Variants in SMIM14 observed in about 807,000 individuals in gnomAD.
SMIM14 encodes the protein small integral membrane protein 14.
SMIM14 carries 5 observed loss-of-function variants against 12.6 expected under a neutral mutation model. The observed-to-expected ratio is 0.40, with a 90% CI of 0.21 to 0.83. SMIM14 has a LOEUF of 0.83. Ranked by LOEUF, SMIM14 falls within the 40% of genes least tolerant of loss-of-function variation. The pLI is 0.37. For synonymous variants in SMIM14, 30 were observed against 40.1 expected (o/e 0.75, Z 0.95); for missense variants, 86 against 119.1 (o/e 0.72, Z 1.29).
At chr4:39,622,848 A>G (rs954376613) in intron 1 of SMIM14, among the ~76,000 whole-genome samples, 1 of 152,268 alleles carries the variant, frequency 6.6e-6, no homozygotes, top group African/African-American at 2.4e-5. Context: ...ATGGTTACAT[A>G]TTAACTTTTA....
chr4:39,617,051 CTA>C (rs1245705059), intron 1 of SMIM14, among the ~76,000 whole-genome samples: 1 of 151,998 alleles, frequency 6.6e-6, no homozygotes, highest in Non-Finnish European at 1.5e-5. Flanking sequence ...TCTTGTTTTC[CTA>C]TGTTTCTATA....
rs1276261623 is a variant in SMIM14, at chr4:39,619,843, T to C, written c.-35-14663A>G. Among the ~76,000 whole-genome samples the C allele has an allele frequency of 4.2e-4, 33 of 77,650 alleles. 1 individual carries two copies. Among genetic ancestry groups the C allele is most frequent in the African/African-American group, 2.2e-3 (32 of 14,592 alleles). 50.9% of individuals were successfully genotyped at this position (77,650 alleles called of 152,430 possible). On this transcript the variant is annotated intron_variant, in intron 1 of 4. Coordinates refer to ENST00000295958, the MANE Select transcript of SMIM14 (RefSeq NM_174921.3). The stretch of plus-strand genomic sequence containing the variant: ...ATTTATATGTATATATAAATGTATA[T>C]ATATATTTATATATATTTATATATA...
At position 39,552,031 on chromosome 4, in the gene SMIM14, G is replaced by C. The variant is rs1474271792; in HGVS notation, c.*95C>G. ...CCATCCCATATTGCAGATACAAAAG[G>C]AAAAACAGTTCTAATGGGGTTAAGA... is the stretch of plus-strand genomic sequence containing the variant. On this transcript the variant is annotated 3_prime_UTR_variant, in exon 5 of 5. Coordinates refer to ENST00000295958, the MANE Select transcript of SMIM14 (RefSeq NM_174921.3). 9.9e-7 allele frequency: 1 copy of C among 1,005,602 alleles called. No homozygotes were observed. The highest frequency in any genetic ancestry group is 2.7e-5 in the Admixed American group (1 of 37,520). The allele number at this position is 1,005,602 out of a possible 1,614,324, so 62.3% of individuals were successfully genotyped here.
intron 1 of SMIM14, among the ~76,000 whole-genome samples, chr4:39,636,485 A>C (rs1384961574): frequency 6.6e-6 from 1 of 152,166 alleles, no homozygotes; most frequent in Non-Finnish European, 1.5e-5. Flanking sequence ...CCATGCTTTT[A>C]ATAATTATGG....
intron 1 of SMIM14, chr4:39,638,485 T>C: frequency 1.0e-6 from 1 of 985,420 alleles, no homozygotes; most frequent in Non-Finnish European, 1.2e-6. Context: ...TGCCCTTGCC[T>C]GCAAAGCCCC....
At chr4:39,581,598 C>A (rs1455837448) in intron 2 of SMIM14, among the ~76,000 whole-genome samples, 1 of 149,714 alleles carries the variant, frequency 6.7e-6, no homozygotes, top group African/African-American at 2.5e-5. Flanking sequence ...TCACTGCAAC[C>A]TCTGCACCCC....
chr4:39,600,184 C>T (rs1040006154), intron 2 of SMIM14, among the ~76,000 whole-genome samples: 2 of 151,948 alleles, frequency 1.3e-5, no homozygotes, highest in Non-Finnish European at 2.9e-5. Flanking sequence ...GACAACTTAC[C>T]CTCCCTTTTA....
At chr4:39,594,172 C>T (rs542402941) in intron 2 of SMIM14, 2 of 152,274 alleles carry the variant, frequency 1.3e-5, no homozygotes, top group African/African-American at 4.8e-5. Context: ...GCTACAGTAA[C>T]CAAGACAGTA....
At chr4:39,638,716 G>A in intron 1 of SMIM14, 23 bp downstream of exon 1, 4 of 985,448 alleles carry the variant, frequency 4.1e-6, no homozygotes, top group Non-Finnish European at 4.8e-6. Flanking sequence ...GCAAACGCTG[G>A]TGGGAGAGGG....
At chr4:39,552,393 C>T (rs904019674) in intron 4 of SMIM14, among the ~76,000 whole-genome samples, 2 of 151,984 alleles carry the variant, frequency 1.3e-5, no homozygotes, top group Admixed American at 6.6e-5. Flanking sequence ...TGTGATTTTC[C>T]ACCATTTGTC....
At chr4:39,610,352 A>G (rs1464199857) in intron 1 of SMIM14, among the ~76,000 whole-genome samples, 1 of 152,284 alleles carries the variant, frequency 6.6e-6, no homozygotes, top group Middle Eastern at 3.4e-3. Flanking sequence ...ATTAGAACAC[A>G]GTATCCACAA....
At chr4:39,625,653 C>T (rs1330414309) in intron 1 of SMIM14, among the ~76,000 whole-genome samples, 1 of 152,150 alleles carries the variant, frequency 6.6e-6, no homozygotes, top group African/African-American at 2.4e-5. Context: ...GTTGGTCAGG[C>T]TGGTCTCAAA....
intron 2 of SMIM14, among the ~76,000 whole-genome samples, chr4:39,595,712 G>A (rs544017458): frequency 4.6e-5 from 7 of 151,114 alleles, no homozygotes; most frequent in East Asian, 1.9e-4. Flanking sequence ...GGGCTCAAGC[G>A]ATTCTCCCAC....
At chr4:39,615,927 A>T (rs531207283) in intron 1 of SMIM14, among the ~76,000 whole-genome samples, 3 of 152,200 alleles carry the variant, frequency 2.0e-5, no homozygotes, top group Admixed American at 6.5e-5. Flanking sequence ...CTGAAAATTT[A>T]AAAAACTATA....
At chr4:39,571,139 C>T (rs1028445713) in intron 3 of SMIM14, among the ~76,000 whole-genome samples, 2 of 152,122 alleles carry the variant, frequency 1.3e-5, no homozygotes, top group African/African-American at 4.8e-5. Flanking sequence ...TCTCACTTTA[C>T]CATCACTACT....
At chr4:39,613,910 C>A (rs116630135) in intron 1 of SMIM14, among the ~76,000 whole-genome samples, 3,430 of 152,068 alleles carry the variant, frequency 0.023, 151 homozygotes, top group African/African-American at 0.077. Context: ...TTCAAAATAG[C>A]CAGGCACGGT....
At chr4:39,574,189 G>A (rs964772092) in intron 2 of SMIM14, among the ~76,000 whole-genome samples, 1 of 151,458 alleles carries the variant, frequency 6.6e-6, no homozygotes, top group Admixed American at 6.6e-5. Context: ...GTTCAGCATG[G>A]CTCTGCAGAA....
At chr4:39,559,108 C>T (rs1182208376) in intron 3 of SMIM14, among the ~76,000 whole-genome samples, 5 of 152,188 alleles carry the variant, frequency 3.3e-5, no homozygotes, top group Non-Finnish European at 5.9e-5. Flanking sequence ...ATTACATTTT[C>T]GCTCCAACTT....
At chr4:39,615,300 T>C (rs1715180059) in intron 1 of SMIM14, among the ~76,000 whole-genome samples, 1 of 152,180 alleles carries the variant, frequency 6.6e-6, no homozygotes, top group Non-Finnish European at 1.5e-5. Context: ...GTATTACCTT[T>C]GCAACTTTTC....
Sources: allele counts gnomAD v4.1 joint callset (sites outside exome capture counted in the v4.1 genomes callset), GRCh38; gene constraint gnomAD v4.1.1; transcripts MANE v1.5; gene names NCBI Gene and HGNC (gene_info 2026-07-23, HGNC 2026-07-21).